PRKN: variants seen among roughly 807,000 people sequenced by gnomAD.
PRKN encodes E3 ubiquitin-protein ligase parkin.
Under a neutral mutation model 59.5 loss-of-function variants are expected in PRKN, and 56 were observed. That is an observed-to-expected ratio of 0.94 (90% CI 0.76 to 1.18). The LOEUF is 1.18. PRKN is among the 50% of genes most tolerant of loss of function. PRKN has a pLI of 0.00. For missense variants in PRKN, 657 were observed against 596.4 expected, an observed-to-expected ratio of 1.10 and a Z score of -1.06; for synonymous variants, 250 against 222.1, an observed-to-expected ratio of 1.13 and a Z score of -1.12.
At chr6:162,384,120 T>C (rs1786650841) in intron 2 of PRKN, among the ~76,000 whole-genome samples, 1 of 152,228 alleles carries the variant, frequency 6.6e-6, no homozygotes. Flanking sequence ...ATTATTTATG[T>C]GTTCACTGGA....
At chr6:162,393,820 A>G (rs1466620034) in intron 2 of PRKN, among the ~76,000 whole-genome samples, 3 of 152,196 alleles carry the variant, frequency 2.0e-5, no homozygotes, top group African/African-American at 7.2e-5. Context: ...AAACAACTTT[A>G]CTACAATTTA....
At chr6:161,928,655 T>C (rs1444973163) in intron 6 of PRKN, among the ~76,000 whole-genome samples, 2 of 152,204 alleles carry the variant, frequency 1.3e-5, no homozygotes, top group Non-Finnish European at 2.9e-5. Context: ...GTATAGTATC[T>C]TACACATTAT....
rs377037189 is a variant in PRKN, at chr6:161,877,759, C to T, written c.735-91851G>A. ...CTGGGATTACAGGCGGGAGCCACCA[C>T]GCCCGGCCCATATTTGCATTTTAAA... is the stretch of plus-strand genomic sequence containing the variant. On this transcript the variant is annotated intron_variant, in intron 6 of 11. Coordinates refer to ENST00000366898, the MANE Select transcript of PRKN (RefSeq NM_004562.3). Among the ~76,000 whole-genome samples, 266 of 152,160 alleles carry T rather than the reference C, an allele frequency of 1.7e-3. 5 individuals carry two copies. In the South Asian group the frequency reaches 0.024, roughly 14 times the overall value.
At chr6:162,467,521 A>G (rs1179092817) in intron 1 of PRKN, among the ~76,000 whole-genome samples, 1 of 152,076 alleles carries the variant, frequency 6.6e-6, no homozygotes, top group Non-Finnish European at 1.5e-5. Flanking sequence ...TATCCCTATC[A>G]TTGAGCCTTT....
At chr6:161,981,153 C>T (rs1414460616) in intron 5 of PRKN, among the ~76,000 whole-genome samples, 1 of 152,102 alleles carries the variant, frequency 6.6e-6, no homozygotes, top group Non-Finnish European at 1.5e-5. Context: ...AGACAGACAG[C>T]CTGTCACTTC....
chr6:162,528,883 T>C (rs1341806286), intron 1 of PRKN, among the ~76,000 whole-genome samples: 1 of 152,156 alleles, frequency 6.6e-6, no homozygotes, highest in Non-Finnish European at 1.5e-5. Flanking sequence ...TTTTTACTTA[T>C]TTATTTTTTT....
chr6:162,690,016 T>G (rs1033264768), intron 1 of PRKN, among the ~76,000 whole-genome samples: 1 of 152,164 alleles, frequency 6.6e-6, no homozygotes, highest in Non-Finnish European at 1.5e-5. Context: ...GTCCTCTAAA[T>G]AAAAGATATT....
chr6:161,612,681 G>A (rs569290147), intron 7 of PRKN, among the ~76,000 whole-genome samples: 24 of 135,170 alleles, frequency 1.8e-4, no homozygotes, highest in African/African-American at 6.2e-4. Flanking sequence ...AGATCATGCC[G>A]CTGCACTCCA....
At chr6:162,667,732 A>C (rs1185361346) in intron 1 of PRKN, among the ~76,000 whole-genome samples, 1 of 152,164 alleles carries the variant, frequency 6.6e-6, no homozygotes, top group Non-Finnish European at 1.5e-5. Context: ...TGGAGCTTGA[A>C]TATCTGGATT....
chr6:161,898,950 C>T (rs1171721313), intron 6 of PRKN, among the ~76,000 whole-genome samples: 5 of 152,232 alleles, frequency 3.3e-5, no homozygotes, highest in Non-Finnish European at 5.9e-5. Context: ...CAGCCTATCA[C>T]AGCTCAATGG....
At chr6:162,672,741 G>C (rs1779382233) in intron 1 of PRKN, among the ~76,000 whole-genome samples, 1 of 150,954 alleles carries the variant, frequency 6.6e-6, no homozygotes, top group African/African-American at 2.4e-5. Context: ...TAGATATACA[G>C]ACACACATGA....
chr6:162,716,767 C>T (rs528057679), intron 1 of PRKN, among the ~76,000 whole-genome samples: 92 of 140,802 alleles, frequency 6.5e-4, no homozygotes, highest in African/African-American at 2.2e-3. Flanking sequence ...TGCGCGCGCG[C>T]GCACGCACAC....
intron 9 of PRKN, among the ~76,000 whole-genome samples, chr6:161,416,532 C>T (rs1268259758): frequency 1.3e-5 from 2 of 152,074 alleles, no homozygotes; most frequent in African/African-American, 4.8e-5. Flanking sequence ...CCCATCAGCT[C>T]TCGGCATCCA....
rs192844268 is a variant in PRKN, at chr6:161,433,843, C to T, written c.1084-46966G>A. On this transcript the variant is annotated intron_variant, in intron 9 of 11. Transcript: ENST00000366898. The stretch of plus-strand genomic sequence containing the variant: ...ACCCGCCTGGCCAACATGATGAAAC[C>T]CCATCTCTGCTAAAAATACAAAAAT... Among the ~76,000 whole-genome samples, 158 of 152,096 alleles carry T rather than the reference C, an allele frequency of 1.0e-3. 1 individual carries two copies. The highest frequency in any genetic ancestry group is 3.4e-3 in the Middle Eastern group (1 of 292).
At chr6:161,834,307 T>G (rs1472777634) in intron 6 of PRKN, among the ~76,000 whole-genome samples, 1 of 152,166 alleles carries the variant, frequency 6.6e-6, no homozygotes, top group African/African-American at 2.4e-5. Flanking sequence ...AAGCTCCTTC[T>G]TCCTTTGCAG....
chr6:162,648,311 T>C (rs938537936), intron 1 of PRKN, among the ~76,000 whole-genome samples: 1 of 152,144 alleles, frequency 6.6e-6, no homozygotes, highest in African/African-American at 2.4e-5. Context: ...CAATGGTCAC[T>C]ATGTGTTTAA....
At chr6:162,653,535 T>C (rs548258327) in intron 1 of PRKN, among the ~76,000 whole-genome samples, 1 of 152,330 alleles carries the variant, frequency 6.6e-6, no homozygotes, top group Admixed American at 6.5e-5. Flanking sequence ...ATAAACATTA[T>C]TTTGGTAAAT....
Position 162,096,930 on chromosome 6 carries a change from G to T in PRKN, c.535-42756C>A, listed in dbSNP as rs572336554. 9.4e-5 allele frequency among the ~76,000 whole-genome samples: 13 copies of T among 138,186 alleles called. No homozygotes were observed. In the South Asian group the frequency reaches 1.4e-3, roughly 15 times the overall value. The allele number at this position is 138,186 out of a possible 152,430, so 90.7% of individuals were successfully genotyped here. ...CACCCAGGCTGGAGTGCACTGGCAG[G>T]ATCTTGGCTCAGTGCAACCTCTGCC... On this transcript the variant is annotated intron_variant, in intron 4 of 11. Coordinates refer to ENST00000366898, the MANE Select transcript of PRKN (RefSeq NM_004562.3).
At chr6:162,310,003 G>T (rs1782418424) in intron 2 of PRKN, among the ~76,000 whole-genome samples, 1 of 152,060 alleles carries the variant, frequency 6.6e-6, no homozygotes, top group Admixed American at 6.6e-5. Flanking sequence ...AAGGATAATG[G>T]CTTCCAGCTC....
Sources: allele counts gnomAD v4.1 joint callset (sites outside exome capture counted in the v4.1 genomes callset), GRCh38; gene constraint gnomAD v4.1.1; transcripts MANE v1.5; gene names NCBI Gene and HGNC (gene_info 2026-07-23, HGNC 2026-07-21).